The following MYO16 variants were observed in gnomAD, a reference collection of about 807,000 sequenced individuals.
The protein encoded by MYO16 is myosin XVI, also known as unconventional myosin-XVI.
A neutral mutation model predicts 205.3 loss-of-function variants in MYO16; 94 were observed. That is an observed-to-expected ratio of 0.46 (90% CI 0.39 to 0.54). The LOEUF (loss-of-function observed/expected upper bound fraction) is 0.54. Ranked by LOEUF, MYO16 falls within the 20% of genes least tolerant of loss-of-function variation. The probability of loss-of-function intolerance (pLI) is 0.00; values close to 1 mark genes in which losing one functional copy is unlikely to be tolerated. For synonymous variants in MYO16, 988 were observed against 954.0 expected (o/e 1.04, Z -0.66); for missense variants, 2,315 against 2,387.5 (o/e 0.97, Z 0.63).
rs575440663 is a variant in MYO16 at position 108,986,907 on chromosome 13, T to G, written c.2370-5469T>G. On this transcript the variant is annotated intron_variant, in intron 20 of 34. Transcript: ENST00000457511. Reference sequence around the variant, plus strand: ...AGGCCCTACAGCTAGATGGCCAAGTTCAAATGCTTGGTCTATCTAATACTC... The same window carrying G: ...AGGCCCTACAGCTAGATGGCCAAGTGCAAATGCTTGGTCTATCTAATACTC... Among the ~76,000 whole-genome samples the G allele has an allele frequency of 3.5e-3, 527 of 152,274 alleles. 5 individuals are homozygous for G. The highest frequency in any genetic ancestry group is 3.8e-3 in the Non-Finnish European group (260 of 68,024).
At chr13:108,961,752 CT>C in intron 18 of MYO16, 96 bp downstream of exon 18, 1 of 941,302 alleles carries the variant, frequency 1.1e-6, no homozygotes, top group Non-Finnish European at 1.7e-6. Context: ...AGCCAGTTGG[CT>C]TAAACCCTTT....
chr13:108,606,067 G>A (rs1878946820), intron 1 of MYO16, among the ~76,000 whole-genome samples: 2 of 152,158 alleles, frequency 1.3e-5, no homozygotes, highest in Admixed American at 6.5e-5. Flanking sequence ...TTTTTCCCCT[G>A]CCCTAGAGAT....
chr13:108,495,997 G>C, the MYO16 span, among the ~76,000 whole-genome samples: 2,230 of 152,242 alleles, frequency 0.015, 45 homozygotes, highest in African/African-American at 0.051. Context: ...TCCGAGTCTG[G>C]AGGTACGCGG....
At chr13:108,657,063 T>C (rs1206452873) in intron 1 of MYO16, among the ~76,000 whole-genome samples, 1 of 152,212 alleles carries the variant, frequency 6.6e-6, no homozygotes, top group Non-Finnish European at 1.5e-5. Flanking sequence ...CTATGTTGAA[T>C]ATCATCTTGA....
intron 9 of MYO16, among the ~76,000 whole-genome samples, chr13:108,823,597 A>G (rs1876100469): frequency 6.6e-6 from 1 of 152,158 alleles, no homozygotes; most frequent in Non-Finnish European, 1.5e-5. Flanking sequence ...ATTATGGCTG[A>G]CTTTCCTGAA....
intron 28 of MYO16, among the ~76,000 whole-genome samples, chr13:109,113,396 TA>T (rs1387797852): frequency 6.6e-6 from 1 of 151,742 alleles, no homozygotes; most frequent in East Asian, 1.9e-4. Context: ...GGCCATACAA[TA>T]AAAAAGTCTA....
chr13:109,102,506 GT>G (rs1566507271), intron 28 of MYO16, among the ~76,000 whole-genome samples: 1 of 144,372 alleles, frequency 6.9e-6, no homozygotes, highest in Non-Finnish European at 1.5e-5. Context: ...GTGTGTGTGT[GT>G]GTATATATAT....
chr13:108,902,510 G>C (rs1298502908), intron 15 of MYO16, among the ~76,000 whole-genome samples: 1 of 152,186 alleles, frequency 6.6e-6, no homozygotes, highest in Non-Finnish European at 1.5e-5. Flanking sequence ...CAGTGTGGTG[G>C]CTGGAAACAA....
At chr13:108,827,156 A>T (rs9514927) in intron 9 of MYO16, among the ~76,000 whole-genome samples, 4 of 152,106 alleles carry the variant, frequency 2.6e-5, no homozygotes, top group Admixed American at 2.6e-4. Context: ...TGACTTCACC[A>T]TGTATTCCGT....
intron 18 of MYO16, among the ~76,000 whole-genome samples, chr13:108,961,991 A>T (rs1342275550): frequency 1.3e-5 from 2 of 152,310 alleles, no homozygotes; most frequent in Middle Eastern, 6.8e-3. Flanking sequence ...AACATTTTAA[A>T]CAGAATGTAA....
intron 22 of MYO16, among the ~76,000 whole-genome samples, chr13:109,013,614 C>A (rs907214174): frequency 3.9e-5 from 6 of 152,198 alleles, no homozygotes; most frequent in Non-Finnish European, 7.3e-5. Flanking sequence ...TCTCCACGTC[C>A]TCTCCAGCAC....
At chr13:108,753,392 A>AC (rs1885316883) in intron 4 of MYO16, among the ~76,000 whole-genome samples, 1 of 136,142 alleles carries the variant, frequency 7.3e-6, no homozygotes, top group African/African-American at 2.8e-5. Context: ...AAAAAAAAAA[A>AC]AAACAATAAA....
chr13:109,175,801 T>C (rs564126775), intron 33 of MYO16, among the ~76,000 whole-genome samples: 11 of 152,262 alleles, frequency 7.2e-5, no homozygotes, highest in Admixed American at 6.5e-4. Context: ...GAGCTCCATC[T>C]TCACTTTAAA....
intron 14 of MYO16, among the ~76,000 whole-genome samples, chr13:108,891,024 G>A (rs1485724420): frequency 6.6e-6 from 1 of 152,158 alleles, no homozygotes; most frequent in Non-Finnish European, 1.5e-5. Flanking sequence ...CAGAGCTGCT[G>A]TCCCAACAGC....
chr13:109,134,063 C>G (rs1395550190), intron 31 of MYO16, among the ~76,000 whole-genome samples: 1 of 152,128 alleles, frequency 6.6e-6, no homozygotes, highest in Non-Finnish European at 1.5e-5. Flanking sequence ...GGTTGTGTAG[C>G]GGTGATAATG....
intron 17 of MYO16, 84 bp from the exon 18 acceptor site, chr13:108,961,455 C>G (rs1421771014): frequency 7.3e-6 from 8 of 1,098,574 alleles, no homozygotes; most frequent in East Asian, 2.4e-5. Flanking sequence ...ATTTTTGTAA[C>G]TTACTTTTAG....
Position 108,665,993 on chromosome 13 carries a change from C to T in MYO16, c.136C>T (p.Arg46Cys), listed in dbSNP as rs1459955318. The change falls in exon 2 of 35, where the codon CGC becomes TGC. Residue 46 changes from arginine to cysteine, a missense_variant. Transcript: ENST00000457511. ...ACGGCAGCGTCTAGTGAAGCGCATG[C>T]GCTGTGAGCAAATCAAAGCCTACTA... ...GQRQRLVKRM[R>C]CEQIKAYYER... 6.2e-6 allele frequency: 10 copies of T among 1,614,116 alleles called. No homozygotes were observed. Among genetic ancestry groups the T allele is most frequent in the East Asian group, 4.5e-5 (2 of 44,868 alleles).
intron 16 of MYO16, among the ~76,000 whole-genome samples, chr13:108,946,150 C>T (rs1038083125): frequency 6.6e-6 from 1 of 152,008 alleles, no homozygotes; most frequent in Non-Finnish European, 1.5e-5. Flanking sequence ...CCCTTCCCTC[C>T]TCCCCATTTT....
chr13:109,203,109 A>C (rs755778785), intron 34 of MYO16, among the ~76,000 whole-genome samples: 1 of 152,232 alleles, frequency 6.6e-6, no homozygotes, highest in Non-Finnish European at 1.5e-5. Context: ...AGATCACATC[A>C]GAAAAACTGT....
Sources: gnomAD v4.1 joint callset for allele counts (sites outside exome capture counted in the v4.1 genomes callset) on GRCh38, gnomAD v4.1.1 for gene constraint, MANE v1.5 for transcripts, NCBI Gene and HGNC (gene_info 2026-07-23, HGNC 2026-07-21) for gene names.